TMEM132D: variants seen among roughly 807,000 people sequenced by gnomAD.
TMEM132D encodes the protein transmembrane protein 132D, also known as mature OL transmembrane protein.
In TMEM132D, 21 loss-of-function variants were observed where a neutral mutation model predicts 62.3. The ratio of observed to expected loss-of-function variants is 0.34; its 90% CI spans 0.24 to 0.49. The LOEUF is 0.49. Among genes scored for constraint, TMEM132D ranks in the 20% least tolerant of loss-of-function variants. The pLI is 0.99. For synonymous variants in TMEM132D, 621 were observed against 575.6 expected (o/e 1.08, Z -1.13); for missense variants, 1,346 against 1,402.8 (o/e 0.96, Z 0.65).
At chr12:129,500,527 C>G (rs917588379) in intron 3 of TMEM132D, among the ~76,000 whole-genome samples, 15 of 152,070 alleles carry the variant, frequency 9.9e-5, no homozygotes, top group Admixed American at 2.6e-4. Flanking sequence ...TGGCTGCTAC[C>G]ACAGCAGGTA....
rs867030103 is a variant in TMEM132D at position 129,088,964 on chromosome 12, C to A, written c.1444-4262G>T. Among the ~76,000 whole-genome samples, 20 of 34,852 alleles carry A rather than the reference C, an allele frequency of 5.7e-4. 3 individuals are homozygous for A. The highest frequency in any genetic ancestry group is 9.1e-4 in the Non-Finnish European group (19 of 20,926). 22.9% of individuals were successfully genotyped at this position (34,852 alleles called of 152,430 possible). On this transcript the variant is annotated intron_variant, in intron 5 of 8. Transcript: ENST00000422113. ...TGTCCTCCATGACCGGGTGTCCTCC[C>A]TGACCGGGATGTCCTCCATGACCGG...
intron 1 of TMEM132D, among the ~76,000 whole-genome samples, chr12:129,718,384 C>T (rs1044665661): frequency 1.3e-5 from 2 of 152,194 alleles, no homozygotes; most frequent in African/African-American, 4.8e-5. Context: ...CATGGAGGAA[C>T]GAGCTGACGC....
intron 5 of TMEM132D, among the ~76,000 whole-genome samples, chr12:129,208,389 A>G (rs551963585): frequency 5.9e-5 from 9 of 152,296 alleles, no homozygotes; most frequent in Non-Finnish European, 1.2e-4. Flanking sequence ...GGAGTGCTGT[A>G]TGATGTCATG....
intron 1 of TMEM132D, among the ~76,000 whole-genome samples, chr12:129,818,301 A>ATG (rs1210161592): frequency 2.7e-5 from 3 of 110,676 alleles, no homozygotes; most frequent in African/African-American, 1.1e-4. Context: ...GGTGTGTGTG[A>ATG]TGTGTGTGTG....
At chr12:129,310,267 C>A (rs757433365) in intron 4 of TMEM132D, among the ~76,000 whole-genome samples, 2 of 152,140 alleles carry the variant, frequency 1.3e-5, no homozygotes, top group East Asian at 1.9e-4. Flanking sequence ...GCCAGGGAAC[C>A]GGTCAGGGCC....
chr12:129,274,392 C>T (rs553270497), intron 4 of TMEM132D, among the ~76,000 whole-genome samples: 1 of 152,292 alleles, frequency 6.6e-6, no homozygotes, highest in African/African-American at 2.4e-5. Flanking sequence ...TGGCGAGGTA[C>T]AGGTCTTCTC....
rs1254504846 is a variant in TMEM132D at position 129,699,716 on chromosome 12, G to T, written c.968+94C>A. 36 of 1,485,210 alleles carry T rather than the reference G, an allele frequency of 2.4e-5. No homozygotes were observed. In the Admixed American group the frequency reaches 4.8e-4, roughly 20 times the overall value. 92.0% of individuals were successfully genotyped at this position (1,485,210 alleles called of 1,614,324 possible). ...GAACGGGAAGGCCGGCTCTACTTCG[G>T]TGAGCGATAACACAGCTTTTCTGGT... On this transcript the variant is annotated intron_variant, in intron 2 of 8. Coordinates refer to ENST00000422113, the MANE Select transcript of TMEM132D (RefSeq NM_133448.3).
intron 3 of TMEM132D, among the ~76,000 whole-genome samples, chr12:129,436,864 G>A (rs1219773162): frequency 2.0e-5 from 3 of 151,994 alleles, no homozygotes; most frequent in Non-Finnish European, 4.4e-5. Flanking sequence ...GTCAGGTGAG[G>A]AAAAAGCAAG....
intron 4 of TMEM132D, among the ~76,000 whole-genome samples, chr12:129,274,639 C>G (rs1482730152): frequency 6.6e-6 from 1 of 152,220 alleles, no homozygotes; most frequent in Non-Finnish European, 1.5e-5. Flanking sequence ...GTAATCCCAG[C>G]ACTTTGGGAG....
intron 3 of TMEM132D, among the ~76,000 whole-genome samples, chr12:129,474,535 C>T (rs1445874695): frequency 6.6e-6 from 1 of 152,158 alleles, no homozygotes; most frequent in African/African-American, 2.4e-5. Context: ...CAGTGTTCTT[C>T]TGCTGGGACT....
chr12:129,574,790 C>G (rs1381532063), intron 2 of TMEM132D, among the ~76,000 whole-genome samples: 1 of 151,682 alleles, frequency 6.6e-6, no homozygotes, highest in Admixed American at 6.6e-5. Flanking sequence ...TTGCTGCGCC[C>G]CTCAGTGTTC....
chr12:129,668,094 T>C (rs914314138), intron 2 of TMEM132D, among the ~76,000 whole-genome samples: 13 of 151,392 alleles, frequency 8.6e-5, no homozygotes, highest in Admixed American at 6.6e-4. Context: ...ATTGTGACAT[T>C]AGAATAGAGG....
intron 5 of TMEM132D, among the ~76,000 whole-genome samples, chr12:129,089,867 C>T (rs1461265014): frequency 5.9e-5 from 9 of 152,342 alleles, no homozygotes; most frequent in South Asian, 2.1e-4. Context: ...CCCAAGTGGG[C>T]GCCTGTGGCC....
chr12:129,810,605 TACAG>T (rs1872144473), intron 1 of TMEM132D, among the ~76,000 whole-genome samples: 2 of 151,824 alleles, frequency 1.3e-5, no homozygotes, highest in South Asian at 2.1e-4. Flanking sequence ...TGCCTTACCA[TACAG>T]AAAGTAGAGC....
chr12:129,163,717 G>A (rs902481867), intron 5 of TMEM132D, among the ~76,000 whole-genome samples: 1 of 152,198 alleles, frequency 6.6e-6, no homozygotes, highest in Non-Finnish European at 1.5e-5. Flanking sequence ...GCTTCCCATT[G>A]TTATGAATCC....
chr12:129,307,974 C>T (rs1334764643), intron 4 of TMEM132D, among the ~76,000 whole-genome samples: 4 of 152,234 alleles, frequency 2.6e-5, no homozygotes, highest in East Asian at 1.9e-4. Flanking sequence ...ACATTTCTCT[C>T]GAACTCATTG....
intron 1 of TMEM132D, among the ~76,000 whole-genome samples, chr12:129,800,289 CTT>C (rs967553406): frequency 2.0e-5 from 3 of 151,712 alleles, no homozygotes; most frequent in African/African-American, 7.3e-5. Context: ...AGAACCAAAA[CTT>C]TAAGTCCCAA....
At chr12:129,755,719 A>G (rs1870147916) in intron 1 of TMEM132D, among the ~76,000 whole-genome samples, 1 of 152,220 alleles carries the variant, frequency 6.6e-6, no homozygotes, top group Admixed American at 6.5e-5. Flanking sequence ...AGAATGGGCT[A>G]GACTTTAGAG....
chr12:129,485,438 C>G (rs1198588517), intron 3 of TMEM132D, among the ~76,000 whole-genome samples: 2 of 152,210 alleles, frequency 1.3e-5, no homozygotes, highest in Non-Finnish European at 2.9e-5. Context: ...ACATTCAGGG[C>G]TACAGTGAGT....
Sources: allele counts gnomAD v4.1 joint callset (sites outside exome capture counted in the v4.1 genomes callset), GRCh38; gene constraint gnomAD v4.1.1; transcripts MANE v1.5; gene names NCBI Gene and HGNC (gene_info 2026-07-23, HGNC 2026-07-21).